The following LRRIQ3 variants were observed in gnomAD, a reference collection of about 807,000 sequenced individuals.
LRRIQ3 encodes the protein leucine-rich repeat and IQ domain-containing protein 3.
In LRRIQ3, 75 loss-of-function variants were observed where a neutral mutation model predicts 59.3. The observed-to-expected ratio is 1.26, with a 90% CI of 1.05 to 1.53. The LOEUF (loss-of-function observed/expected upper bound fraction) is 1.53, where lower values mean the gene tolerates loss of function less well. Among genes scored for constraint, LRRIQ3 ranks in the 40% most tolerant of loss-of-function variants. The pLI is 0.00. For missense variants in LRRIQ3, 831 were observed against 710.0 expected (o/e 1.17, Z -1.94); for synonymous variants, 250 against 231.3 (o/e 1.08, Z -0.73).
At chr1:74,190,249 GGCTCTAATA>G (rs1441273251) in intron 1 of LRRIQ3, among the ~76,000 whole-genome samples, 1 of 152,060 alleles carries the variant, frequency 6.6e-6, no homozygotes, top group East Asian at 1.9e-4. Context: ...ATATGCTAAT[GGCTCTAATA>G]GAAAAAGTAG....
At position 74,140,242 on chromosome 1, in the gene LRRIQ3, G is replaced by C. The variant is rs574521903; in HGVS notation, c.707+15491C>G. On this transcript the variant is annotated intron_variant, in intron 4 of 7. Transcript: ENST00000354431. ...AACCAAATGGATAGAAAATAAATATGCAAAAACTAAATACAAAACAAGCCA... is the reference window on the plus strand; with the variant it reads ...AACCAAATGGATAGAAAATAAATATCCAAAAACTAAATACAAAACAAGCCA... Among the ~76,000 whole-genome samples the C allele has an allele frequency of 2.6e-5, 4 of 151,658 alleles. No individual in the cohort carries two copies. The South Asian group carries it at 8.3e-4, about 32-fold the overall frequency.
rs144700840 is a variant in LRRIQ3 at position 74,182,577 on chromosome 1, G to A, written c.534C>T (p.Asn178=). 4 of 1,597,014 alleles carry A rather than the reference G, an allele frequency of 2.5e-6. No homozygotes were observed. In the African/African-American group the frequency reaches 5.4e-5, roughly 21 times the overall value. The change falls in exon 3 of 8, where the codon AAC becomes AAT. Residue 178 remains asparagine, a synonymous_variant. Coordinates refer to ENST00000354431, the MANE Select transcript of LRRIQ3 (RefSeq NM_001105659.2). ...WHLPERFKAC[N]HRLFFNFCPA... is the part of the protein sequence containing the mutation. ...GGCAGAAATTAAAGAAAAGTCGATG[G>A]TTACATGCTTTGAATCTTTCAGGAA... is the stretch of plus-strand genomic sequence containing the variant.
chr1:74,176,115 A>T (rs992694156), intron 3 of LRRIQ3, among the ~76,000 whole-genome samples: 2 of 152,042 alleles, frequency 1.3e-5, no homozygotes, highest in African/African-American at 4.8e-5. Context: ...TTCTATGTAG[A>T]GCGCTTCCTT....
At chr1:74,039,603 C>A (rs1570008752) in intron 7 of LRRIQ3, among the ~76,000 whole-genome samples, 1 of 152,166 alleles carries the variant, frequency 6.6e-6, no homozygotes, top group Admixed American at 6.5e-5. Flanking sequence ...AGAAACTCTA[C>A]AAGCCAGAAG....
At chr1:74,102,059 T>TA (rs11304358) in intron 5 of LRRIQ3, among the ~76,000 whole-genome samples, 93 of 139,118 alleles carry the variant, frequency 6.7e-4, no homozygotes, top group East Asian at 1.3e-3. Flanking sequence ...AAAGTATAAT[T>TA]AAAAAAAAAA....
At chr1:74,060,997 C>T (rs1000318198) in intron 6 of LRRIQ3, among the ~76,000 whole-genome samples, 6 of 152,136 alleles carry the variant, frequency 3.9e-5, no homozygotes, top group African/African-American at 1.4e-4. Context: ...GGAGATGTCA[C>T]AACTTTCAAG....
intron 4 of LRRIQ3, among the ~76,000 whole-genome samples, chr1:74,113,015 A>C (rs1251883891): frequency 6.6e-6 from 1 of 152,168 alleles, no homozygotes; most frequent in Non-Finnish European, 1.5e-5. Context: ...ACTTCAAAGC[A>C]GATGTTATAA....
intron 6 of LRRIQ3, among the ~76,000 whole-genome samples, chr1:74,058,178 A>T (rs1244185934): frequency 6.6e-6 from 1 of 152,120 alleles, no homozygotes; most frequent in Non-Finnish European, 1.5e-5. Context: ...TCTTCAAAAA[A>T]CTAAAAATAG....
At chr1:74,171,301 T>G (rs1463325028) in intron 3 of LRRIQ3, among the ~76,000 whole-genome samples, 1 of 152,194 alleles carries the variant, frequency 6.6e-6, no homozygotes, top group Non-Finnish European at 1.5e-5. Context: ...GTCCTTATAT[T>G]GCATTGAGGG....
intron 7 of LRRIQ3, among the ~76,000 whole-genome samples, chr1:74,030,696 C>G (rs895616719): frequency 3.9e-4 from 59 of 152,140 alleles, no homozygotes; most frequent in African/African-American, 1.3e-3. Context: ...AGGACATAGG[C>G]ATGGGCAAGG....
At chr1:74,119,553 G>A (rs1202685943) in intron 4 of LRRIQ3, among the ~76,000 whole-genome samples, 2 of 152,014 alleles carry the variant, frequency 1.3e-5, no homozygotes, top group East Asian at 3.8e-4. Flanking sequence ...CAACTTAATT[G>A]TCTTCTAATG....
At chr1:74,114,380 T>C (rs1646749068) in intron 4 of LRRIQ3, among the ~76,000 whole-genome samples, 2 of 152,060 alleles carry the variant, frequency 1.3e-5, no homozygotes, top group Non-Finnish European at 2.9e-5. Context: ...AAGTAATGTC[T>C]CCAAATCTCA....
intron 6 of LRRIQ3, among the ~76,000 whole-genome samples, chr1:74,071,181 T>A (rs879430646): frequency 6.6e-6 from 1 of 151,988 alleles, no homozygotes; most frequent in Admixed American, 6.6e-5. Context: ...TATAGTTATA[T>A]AATCTTTTAG....
intron 4 of LRRIQ3, among the ~76,000 whole-genome samples, chr1:74,131,537 G>A: frequency 6.6e-6 from 1 of 152,084 alleles, no homozygotes; most frequent in Non-Finnish European, 1.5e-5. Context: ...ATGATCAAGT[G>A]GGCTTCAACC....
intron 4 of LRRIQ3, among the ~76,000 whole-genome samples, chr1:74,130,551 T>C (rs943005563): frequency 6.6e-6 from 1 of 152,110 alleles, no homozygotes; most frequent in African/African-American, 2.4e-5. Context: ...TTCATTGATA[T>C]GAAGATAAAA....
intron 5 of LRRIQ3, among the ~76,000 whole-genome samples, chr1:74,092,277 A>T (rs1184165875): frequency 6.6e-6 from 1 of 152,106 alleles, no homozygotes; most frequent in Non-Finnish European, 1.5e-5. Context: ...TAGACTGTAT[A>T]CCTCTGGAGT....
chr1:74,171,099 G>T (rs576492390), intron 3 of LRRIQ3, among the ~76,000 whole-genome samples: 1 of 152,244 alleles, frequency 6.6e-6, no homozygotes, highest in Admixed American at 6.5e-5. Flanking sequence ...CCACCTGCAA[G>T]TAGAGATAAT....
intron 4 of LRRIQ3, among the ~76,000 whole-genome samples, chr1:74,149,399 G>C (rs1254744946): frequency 6.6e-6 from 1 of 151,992 alleles, no homozygotes; most frequent in African/African-American, 2.4e-5. Flanking sequence ...TTGTCAGCTT[G>C]AAAATTGTGT....
chr1:74,063,783 A>G (rs1449574771), intron 6 of LRRIQ3, among the ~76,000 whole-genome samples: 1 of 151,990 alleles, frequency 6.6e-6, no homozygotes, highest in East Asian at 1.9e-4. Flanking sequence ...GAAACTTTAA[A>G]TCTAAAGTGT....
Sources: gnomAD v4.1 joint callset for allele counts (sites outside exome capture counted in the v4.1 genomes callset) on GRCh38, gnomAD v4.1.1 for gene constraint, MANE v1.5 for transcripts, NCBI Gene and HGNC (gene_info 2026-07-23, HGNC 2026-07-21) for gene names.